DLG1: variants seen among roughly 807,000 people sequenced by gnomAD.
DLG1 encodes discs large MAGUK scaffold protein 1.
DLG1 carries 42 observed loss-of-function variants against 123.4 expected under a neutral mutation model. That is an observed-to-expected ratio of 0.34 (90% CI 0.27 to 0.44). The LOEUF (loss-of-function observed/expected upper bound fraction) is 0.44. DLG1 is among the 20% of genes least tolerant of loss of function. The pLI is 1.00. For missense variants in DLG1, 942 were observed against 1,082.6 expected, an observed-to-expected ratio of 0.87 and a Z score of 1.82; for synonymous variants, 317 against 356.2, an observed-to-expected ratio of 0.89 and a Z score of 1.24.
intron 3 of DLG1, among the ~76,000 whole-genome samples, chr3:197,291,002 T>C (rs1262041393): frequency 6.6e-6 from 1 of 150,830 alleles, no homozygotes; most frequent in Non-Finnish European, 1.5e-5. Flanking sequence ...TAATATCTGG[T>C]CCAAGTCTGG....
At chr3:197,159,854 T>C (rs1798079003) in intron 5 of DLG1, among the ~76,000 whole-genome samples, 1 of 152,150 alleles carries the variant, frequency 6.6e-6, no homozygotes, top group Non-Finnish European at 1.5e-5. Flanking sequence ...GTATCCTCAA[T>C]AAATATCCTC....
At chr3:197,126,822 G>A (rs1779364637) in intron 11 of DLG1, among the ~76,000 whole-genome samples, 1 of 152,076 alleles carries the variant, frequency 6.6e-6, no homozygotes, top group South Asian at 2.1e-4. Flanking sequence ...CATTACTGGA[G>A]GGCAGTATGT....
chr3:197,205,811 G>A (rs957492441), intron 4 of DLG1, among the ~76,000 whole-genome samples: 12 of 152,180 alleles, frequency 7.9e-5, no homozygotes, highest in Non-Finnish European at 1.3e-4. Context: ...AGGCTCTACA[G>A]AAGAATCTCT....
At chr3:197,200,072 AC>A (rs1351090269) in intron 4 of DLG1, among the ~76,000 whole-genome samples, 1 of 152,172 alleles carries the variant, frequency 6.6e-6, no homozygotes, top group African/African-American at 2.4e-5. Flanking sequence ...TAGGAATGTG[AC>A]TAAATTACTA....
chr3:197,107,557 C>T (rs7645685), intron 13 of DLG1, among the ~76,000 whole-genome samples: 1 of 150,440 alleles, frequency 6.6e-6, no homozygotes, highest in Non-Finnish European at 1.5e-5. Context: ...GAACAAAAAA[C>T]AAAAAAACCA....
rs563937912 is a variant in DLG1, at chr3:197,285,603, TACAG to T, written c.152-2762_152-2759del. ...ATCCAATAAAAAAATAGGCAAAAGATACAGACAGACACTTCACCAAAGACAGAGA... is the reference window on the plus strand; with the variant it reads ...ATCCAATAAAAAAATAGGCAAAAGATACAGACACTTCACCAAAGACAGAGA... On this transcript the variant is annotated intron_variant, in intron 3 of 24. Transcript: ENST00000667157. 3.1e-3 allele frequency among the ~76,000 whole-genome samples: 470 copies of T among 152,156 alleles called. 2 individuals carry two copies. Among genetic ancestry groups the T allele is most frequent in the Non-Finnish European group, 5.1e-3 (346 of 67,974 alleles).
intron 4 of DLG1, among the ~76,000 whole-genome samples, chr3:197,280,828 A>G (rs970589505): frequency 2.0e-5 from 3 of 152,184 alleles, no homozygotes; most frequent in African/African-American, 7.2e-5. Context: ...TAACTGTCTT[A>G]GTCCCTTCTG....
chr3:197,175,931 T>C (rs1350659978), intron 5 of DLG1, among the ~76,000 whole-genome samples: 1 of 152,178 alleles, frequency 6.6e-6, no homozygotes, highest in East Asian at 1.9e-4. Flanking sequence ...AGCACTGTTA[T>C]TAACACATTA....
intron 10 of DLG1, among the ~76,000 whole-genome samples, chr3:197,135,467 C>G (rs1278372174): frequency 6.6e-6 from 1 of 152,206 alleles, no homozygotes; most frequent in African/African-American, 2.4e-5. Context: ...TGCTTTCCCC[C>G]ACCCTCCACC....
At chr3:197,193,536 A>G (rs929577212) in intron 5 of DLG1, among the ~76,000 whole-genome samples, 2 of 152,232 alleles carry the variant, frequency 1.3e-5, no homozygotes, top group Admixed American at 1.3e-4. Context: ...CATATCCATC[A>G]AAAGTAAAAT....
intron 8 of DLG1, among the ~76,000 whole-genome samples, chr3:197,139,675 T>G (rs1786976331): frequency 6.6e-6 from 1 of 152,212 alleles, no homozygotes. Context: ...TGGTGTGGGA[T>G]TCAACATGGA....
intron 23 of DLG1, among the ~76,000 whole-genome samples, chr3:197,058,406 T>G (rs1233171879): frequency 1.1e-5 from 1 of 87,476 alleles, no homozygotes; most frequent in Non-Finnish European, 2.4e-5. Flanking sequence ...AACAAAGCTA[T>G]GAAAGCCTCC....
intron 4 of DLG1, among the ~76,000 whole-genome samples, chr3:197,226,799 C>T (rs1241293836): frequency 3.3e-5 from 5 of 152,106 alleles, no homozygotes; most frequent in Non-Finnish European, 5.9e-5. Context: ...TTTAACTCAC[C>T]GACATATCAC....
At chr3:197,290,639 G>A (rs1774377002) in intron 3 of DLG1, among the ~76,000 whole-genome samples, 1 of 152,076 alleles carries the variant, frequency 6.6e-6, no homozygotes. Flanking sequence ...AAGGAACTGC[G>A]TTTTTCAAAA....
chr3:197,297,046 G>T, intron 2 of DLG1, 140 bp downstream of exon 2: 1 of 872,836 alleles, frequency 1.1e-6, no homozygotes, highest in Non-Finnish European at 1.8e-6. Flanking sequence ...AATGATATGA[G>T]GCTTAGATTC....
intron 14 of DLG1, among the ~76,000 whole-genome samples, chr3:197,103,493 A>G (rs995686068): frequency 6.6e-6 from 1 of 152,124 alleles, no homozygotes; most frequent in African/African-American, 2.4e-5. Context: ...AGTACAACAT[A>G]GGGTCCCATT....
chr3:197,112,834 G>A (rs1770870897), intron 13 of DLG1, among the ~76,000 whole-genome samples: 2 of 152,078 alleles, frequency 1.3e-5, no homozygotes, highest in South Asian at 2.1e-4. Flanking sequence ...GGCCTCAGGC[G>A]ATCCACCTGC....
intron 4 of DLG1, among the ~76,000 whole-genome samples, chr3:197,262,961 TCC>T (rs1297157016): frequency 6.6e-6 from 1 of 152,172 alleles, no homozygotes; most frequent in Non-Finnish European, 1.5e-5. Flanking sequence ...TGTTGAGTAC[TCC>T]CTTTTCCCCA....
At chr3:197,090,043 T>A (rs1219358356) in intron 15 of DLG1, among the ~76,000 whole-genome samples, 1 of 152,200 alleles carries the variant, frequency 6.6e-6, no homozygotes, top group Non-Finnish European at 1.5e-5. Context: ...CCTGTTTGTG[T>A]GTATAGATAC....
Sources: gnomAD v4.1 joint callset for allele counts (sites outside exome capture counted in the v4.1 genomes callset) on GRCh38, gnomAD v4.1.1 for gene constraint, MANE v1.5 for transcripts, NCBI Gene and HGNC (gene_info 2026-07-23, HGNC 2026-07-21) for gene names.